Variants in MAP2K5 observed in about 807,000 individuals in gnomAD.
The protein encoded by MAP2K5 is mitogen-activated protein kinase kinase 5.
MAP2K5 carries 49 observed loss-of-function variants against 83.1 expected under a neutral mutation model. The observed-to-expected ratio is 0.59, with a 90% CI of 0.47 to 0.75. MAP2K5 has a LOEUF of 0.75. MAP2K5 is among the 30% of genes least tolerant of loss of function. The pLI, the probability that MAP2K5 is intolerant of heterozygous loss-of-function variation, is 0.00. For synonymous variants in MAP2K5, 202 were observed against 191.8 expected (o/e 1.05, Z -0.44); for missense variants, 457 against 557.5 (o/e 0.82, Z 1.82).
intron 8 of MAP2K5, among the ~76,000 whole-genome samples, chr15:67,619,478 G>C (rs891122084): frequency 6.6e-6 from 1 of 152,044 alleles, no homozygotes; most frequent in African/African-American, 2.4e-5. Context: ...TATAAAAAGA[G>C]GATCTAGGAG....
Position 67,727,934 on chromosome 15 carries a change from C to G in MAP2K5, c.1063C>G (p.Pro355Ala). ...TTCCCAGCTTGCTCTTGGGAGGTTT[C>G]CATATCCTCAGGTAAGATTGTTCAT... ...SFMELALGRF[P>A]YPQIQKNQGS... is the part of the protein sequence containing the mutation. Residue 355 changes from proline to alanine, a missense_variant, in exon 17 of 22, where the codon CCA becomes GCA. Coordinates refer to ENST00000178640, the MANE Select transcript of MAP2K5 (RefSeq NM_145160.3). 1 of 1,612,490 alleles carries G rather than the reference C, an allele frequency of 6.2e-7. No individual in the cohort carries two copies.
chr15:67,556,744 G>C (rs1406944876), intron 2 of MAP2K5, among the ~76,000 whole-genome samples: 1 of 151,718 alleles, frequency 6.6e-6, no homozygotes, highest in African/African-American at 2.4e-5. Context: ...GTAGAGACAG[G>C]GTTTCACCAT....
At chr15:67,593,881 A>G (rs1026471079) in intron 7 of MAP2K5, among the ~76,000 whole-genome samples, 1 of 152,242 alleles carries the variant, frequency 6.6e-6, no homozygotes, top group Non-Finnish European at 1.5e-5. Context: ...CCTCACTGGC[A>G]TTTCATGAAT....
At chr15:67,803,172 G>C (rs1451321202) in intron 21 of MAP2K5, among the ~76,000 whole-genome samples, 1 of 152,252 alleles carries the variant, frequency 6.6e-6, no homozygotes, top group Non-Finnish European at 1.5e-5. Flanking sequence ...GTCCAAGTCA[G>C]TCCCTTGCAG....
At chr15:67,669,570 G>GTT (rs1428121654) in intron 13 of MAP2K5, among the ~76,000 whole-genome samples, 1 of 152,112 alleles carries the variant, frequency 6.6e-6, no homozygotes, top group African/African-American at 2.4e-5. Flanking sequence ...TTAGGAAAAT[G>GTT]TTTTGGTAAT....
At chr15:67,672,147 G>A (rs1367372604) in intron 13 of MAP2K5, among the ~76,000 whole-genome samples, 1 of 151,686 alleles carries the variant, frequency 6.6e-6, no homozygotes, top group East Asian at 1.9e-4. Flanking sequence ...CTTTATAGCA[G>A]CATGATTTAT....
chr15:67,669,436 G>A (rs2087472895), intron 13 of MAP2K5, among the ~76,000 whole-genome samples: 1 of 151,982 alleles, frequency 6.6e-6, no homozygotes, highest in South Asian at 2.1e-4. Context: ...AGAGTTACTA[G>A]TCAAGTAGAT....
intron 9 of MAP2K5, among the ~76,000 whole-genome samples, chr15:67,631,315 A>G (rs1372496681): frequency 6.6e-6 from 1 of 152,108 alleles, no homozygotes; most frequent in Non-Finnish European, 1.5e-5. Flanking sequence ...AAATATATCC[A>G]TTTGCTACTT....
rs145330801 is a variant in MAP2K5 at position 67,678,703 on chromosome 15, C to T, written c.848-13776C>T. Among the ~76,000 whole-genome samples, 178 of 152,284 alleles carry T rather than the reference C, an allele frequency of 1.2e-3. 1 individual carries two copies. The highest frequency in any genetic ancestry group is 3.4e-3 in the Middle Eastern group (1 of 294). On this transcript the variant is annotated intron_variant, in intron 13 of 21. Transcript: ENST00000178640. The stretch of plus-strand genomic sequence containing the variant: ...ACCAGACACCGGGCACAGTGGCTCA[C>T]GCCTGTAATCCCAACACTTTGGGAA...
rs1254349244 is a variant in MAP2K5, at chr15:67,550,186, A to G, written c.184+104A>G. 6 of 807,452 alleles carry G rather than the reference A, an allele frequency of 7.4e-6. No homozygotes were observed. The East Asian group carries it at 1.2e-4, about 17-fold the overall frequency. The allele number at this position is 807,452 out of a possible 1,614,324, so 50.0% of individuals were successfully genotyped here. A position where few individuals can be genotyped will look rare whatever the true frequency, so the allele number is the denominator to read the frequency against. On this transcript the variant is annotated intron_variant, in intron 2 of 21. Coordinates refer to ENST00000178640, the MANE Select transcript of MAP2K5 (RefSeq NM_145160.3). ...AGAAACTGACAAAAACAGATTATTT[A>G]TGACCATCATATGGTACATTTAAAT...
chr15:67,611,843 A>G (rs1379294651), intron 8 of MAP2K5, among the ~76,000 whole-genome samples: 1 of 152,170 alleles, frequency 6.6e-6, no homozygotes, highest in Non-Finnish European at 1.5e-5. Context: ...TCTGCCAGCA[A>G]TCTCTAGCAG....
At chr15:67,735,651 T>C in intron 17 of MAP2K5, among the ~76,000 whole-genome samples, 1 of 152,162 alleles carries the variant, frequency 6.6e-6, no homozygotes, top group South Asian at 2.1e-4. Flanking sequence ...AGTGGTCAGC[T>C]CACTTCAGGA....
At chr15:67,700,489 T>C (rs141226594) in intron 15 of MAP2K5, among the ~76,000 whole-genome samples, 128 of 152,330 alleles carry the variant, frequency 8.4e-4, no homozygotes, top group African/African-American at 3.0e-3. Flanking sequence ...ATATCCATCA[T>C]AGATATTCTG....
In MAP2K5 at chr15:67,698,223, C is replaced by A. The variant is rs897531440; in HGVS notation, c.972+4655C>A. Among the ~76,000 whole-genome samples the A allele has an allele frequency of 2.0e-5, 3 of 151,824 alleles. No homozygotes were observed. The highest frequency in any genetic ancestry group is 7.3e-5 in the African/African-American group (3 of 41,324). On this transcript the variant is annotated intron_variant, in intron 15 of 21. Coordinates refer to ENST00000178640, the MANE Select transcript of MAP2K5 (RefSeq NM_145160.3). The surrounding 1 kb of genome is among the most constrained non-coding windows in gnomAD (Gnocchi z 4.5). ...TTTTTTTCTTGAGATGAAGTCTCAC[C>A]CTGTCCCCCAGGCTGGAGTGCAGTG...
At chr15:67,761,480 G>A (rs1191860081) in intron 19 of MAP2K5, among the ~76,000 whole-genome samples, 1 of 152,198 alleles carries the variant, frequency 6.6e-6, no homozygotes, top group African/African-American at 2.4e-5. Flanking sequence ...CGCAGCCACT[G>A]GTAGTTCTGT....
Position 67,555,891 on chromosome 15 carries a change from C to G in MAP2K5, c.184+5809C>G, listed in dbSNP as rs1357538824. Among the ~76,000 whole-genome samples the G allele has an allele frequency of 1.3e-5, 2 of 151,840 alleles. No individual in the cohort carries two copies. Among genetic ancestry groups the G allele is most frequent in the Non-Finnish European group, 2.9e-5 (2 of 67,990 alleles). On this transcript the variant is annotated intron_variant, in intron 2 of 21. Coordinates refer to ENST00000178640, the MANE Select transcript of MAP2K5 (RefSeq NM_145160.3). This position sits in a 1 kb window ranked among gnomAD's most constrained non-coding sequence, Gnocchi z 5.2. ...CTCCACCTCAGGGGTTCAAGCGATT[C>G]TCCTGCCTCAGCCTCCCAAGTAGCT...
chr15:67,658,692 A>C, intron 12 of MAP2K5, 78 bp downstream of exon 12: 1 of 1,256,618 alleles, frequency 8.0e-7, no homozygotes. Flanking sequence ...TATATTCTCA[A>C]TGTTTTTTCT....
Position 67,748,651 on chromosome 15 carries a change from G to C in MAP2K5, c.1134+50G>C. The C allele has an allele frequency of 6.4e-7, 1 of 1,567,374 alleles. No individual in the cohort carries two copies. The highest frequency in any genetic ancestry group is 8.8e-7 in the Non-Finnish European group (1 of 1,141,662). ...CACTCCTAAAGTCATTCCTAATGGTGTGGAAAGCTTATATTTTGTTTCCTA... is the reference window on the plus strand; with the variant it reads ...CACTCCTAAAGTCATTCCTAATGGTCTGGAAAGCTTATATTTTGTTTCCTA... On this transcript the variant is annotated intron_variant, in intron 19 of 21. Coordinates refer to ENST00000178640, the MANE Select transcript of MAP2K5 (RefSeq NM_145160.3). This position sits in a 1 kb window ranked among gnomAD's most constrained non-coding sequence, Gnocchi z 4.0.
At chr15:67,729,397 G>A (rs992778156) in intron 17 of MAP2K5, among the ~76,000 whole-genome samples, 3 of 152,160 alleles carry the variant, frequency 2.0e-5, no homozygotes, top group African/African-American at 7.2e-5. Flanking sequence ...CAAAGGTTGA[G>A]AATGTAGCAA....
Sources: allele counts gnomAD v4.1 joint callset (sites outside exome capture counted in the v4.1 genomes callset), GRCh38; gene constraint gnomAD v4.1.1; non-coding constraint Gnocchi (gnomAD v3.1); transcripts MANE v1.5; gene names NCBI Gene and HGNC (gene_info 2026-07-23, HGNC 2026-07-21).